Variants in SLC29A1 observed in about 807,000 individuals in gnomAD.
SLC29A1 encodes solute carrier family 29 member 1 (Augustine blood group).
A neutral mutation model predicts 48.3 loss-of-function variants in SLC29A1; 22 were observed. The ratio of observed to expected loss-of-function variants is 0.46; its 90% CI spans 0.33 to 0.65. The LOEUF is 0.65. Among genes scored for constraint, SLC29A1 ranks in the 30% least tolerant of loss-of-function variants. SLC29A1 has a pLI of 0.03. For missense variants in SLC29A1, 491 were observed against 575.3 expected (o/e 0.85, Z 1.50); for synonymous variants, 228 against 231.0 (o/e 0.99, Z 0.12).
At chr6:44,224,490 T>C (rs1303912309) in intron 1 of SLC29A1, among the ~76,000 whole-genome samples, 1 of 152,046 alleles carries the variant, frequency 6.6e-6, no homozygotes, top group Non-Finnish European at 1.5e-5. Flanking sequence ...CAGGGCTAAC[T>C]GAGAAGCAGC....
Position 44,232,569 on chromosome 6 carries a change from A to G in SLC29A1, c.1059+141A>G. ...CATAATTTATGTATAGTTAAGTACA[A>G]GTCTTAAGTGTACAACTTAATGAAT... is the stretch of plus-strand genomic sequence containing the variant. On this transcript the variant is annotated intron_variant, in intron 11 of 12. Coordinates refer to ENST00000371755, the MANE Select transcript of SLC29A1 (RefSeq NM_001372327.1). This position sits in a 1 kb window ranked among gnomAD's most constrained non-coding sequence, Gnocchi z 4.7. 1 of 666,244 alleles carries G rather than the reference A, an allele frequency of 1.5e-6. No homozygotes were observed. The highest frequency in any genetic ancestry group is 2.6e-6 in the Non-Finnish European group (1 of 382,694). The allele number at this position is 666,244 out of a possible 1,614,324, so 41.3% of individuals were successfully genotyped here. A position where few individuals can be genotyped will look rare whatever the true frequency, so the allele number is the denominator to read the frequency against.
chr6:44,223,578 C>T, upstream of SLC29A1: 2 of 1,210,070 alleles, frequency 1.7e-6, no homozygotes, highest in Non-Finnish European at 2.1e-6. This position sits in a 1 kb window ranked among gnomAD's most constrained non-coding sequence, Gnocchi z 5.0. Flanking sequence ...TGTGCCCCGG[C>T]GGGAGAGGGA....
At chr6:44,233,071 T>A in intron 12 of SLC29A1, 65 bp downstream of exon 12, 1 of 1,516,418 alleles carries the variant, frequency 6.6e-7, no homozygotes, top group Non-Finnish European at 9.1e-7. Context: ...TGGGGGACAC[T>A]CAGTAGAGGG....
Position 44,230,353 on chromosome 6 carries a change from G to T in SLC29A1, c.461G>T (p.Gly154Val). The T allele has an allele frequency of 6.2e-7, 1 of 1,611,344 alleles. No individual in the cohort carries two copies. Among genetic ancestry groups the T allele is most frequent in the Non-Finnish European group, 8.5e-7 (1 of 1,177,856 alleles). Reference sequence around the variant, plus strand: ...GCCCGCCCTGTTTCCCCAGCATTTGGTGCCATCCTGCAGGGCAGCCTGTTT... The same window carrying T: ...GCCCGCCCTGTTTCCCCAGCATTTGTTGCCATCCTGCAGGGCAGCCTGTTT... ...MIKIVLINSF[G>V]AILQGSLFGL... is the part of the protein sequence containing the mutation. Residue 154 changes from glycine to valine, a missense_variant, in exon 6 of 13, where the codon GGT (glycine) becomes GTT (valine). Physicochemically the swap from Gly to Val is moderately radical, Grantham distance 109. Coordinates refer to ENST00000371755, the MANE Select transcript of SLC29A1 (RefSeq NM_001372327.1).
intron 1 of SLC29A1, chr6:44,226,794 C>T (rs1050435044): frequency 4.9e-6 from 5 of 1,011,092 alleles, no homozygotes; most frequent in Non-Finnish European, 5.9e-6. Context: ...CTGCCTGTTC[C>T]GTGTCCTTCC....
Position 44,229,190 on chromosome 6 carries a change from C to T in SLC29A1, c.30-200C>T, listed in dbSNP as rs1778263520. Among the ~76,000 whole-genome samples, 1 of 152,182 alleles carries T rather than the reference C, an allele frequency of 6.6e-6. No individual in the cohort carries two copies. The highest frequency in any genetic ancestry group is 6.5e-5 in the Admixed American group (1 of 15,288). ...TCAGTCCTATGACCCTGACCCCATCCCCACCCCAAATTCCAACGAGCAATG... is the reference window on the plus strand; with the variant it reads ...TCAGTCCTATGACCCTGACCCCATCTCCACCCCAAATTCCAACGAGCAATG... On this transcript the variant is annotated intron_variant, in intron 2 of 12. Transcript: ENST00000371755. This position sits in a 1 kb window ranked among gnomAD's most constrained non-coding sequence, Gnocchi z 5.1.
At chr6:44,224,912 A>C (rs1431919291) in intron 1 of SLC29A1, among the ~76,000 whole-genome samples, 1 of 152,192 alleles carries the variant, frequency 6.6e-6, no homozygotes, top group Non-Finnish European at 1.5e-5. Flanking sequence ...GCTGAATGTT[A>C]GGATATGGGC....
intron 2 of SLC29A1, among the ~76,000 whole-genome samples, 183 bp downstream of exon 2, chr6:44,227,525 C>A (rs1322757191): frequency 6.6e-6 from 1 of 152,186 alleles, no homozygotes; most frequent in African/African-American, 2.4e-5. Context: ...GGGGTGTCTG[C>A]GGGAAGGGCA....
intron 5 of SLC29A1, 88 bp downstream of exon 5, chr6:44,230,134 G>A: frequency 6.4e-7 from 1 of 1,561,292 alleles, no homozygotes; most frequent in Middle Eastern, 1.7e-4. Context: ...CCAGAGAGAA[G>A]CCCAGCCTCC....
chr6:44,230,416 C>T lies in SLC29A1; in HGVS notation c.524C>T (p.Pro175Leu), dbSNP rs1248679291. The stretch of plus-strand genomic sequence containing the variant: ...CTTCTGCCTGCCAGCTACACGGCCC[C>T]CATCATGAGTGGCCAGGGCCTAGCA... Reference protein sequence around the residue: ...AGLLPASYTAPIMSGQGLAGF... With the variant: ...AGLLPASYTALIMSGQGLAGF... The change falls in exon 6 of 13, where the codon CCC becomes CTC. Residue 175 changes from proline to leucine, a missense_variant. Pro to Leu is a moderately conservative substitution (Grantham distance 98). Transcript: ENST00000371755. 6.2e-7 allele frequency: 1 copy of T among 1,614,148 alleles called. No individual in the cohort carries two copies. Among genetic ancestry groups the T allele is most frequent in the Admixed American group, 1.7e-5 (1 of 60,028 alleles).
intron 1 of SLC29A1, chr6:44,226,714 G>A: frequency 1.0e-6 from 1 of 991,192 alleles, no homozygotes; most frequent in Non-Finnish European, 1.2e-6. Flanking sequence ...GACCAGACTT[G>A]CAGAGAGGGG....
rs930971338 is a variant in SLC29A1, at chr6:44,231,930, C to T, written c.865-68C>T. On this transcript the variant is annotated intron_variant, in intron 9 of 12. Coordinates refer to ENST00000371755, the MANE Select transcript of SLC29A1 (RefSeq NM_001372327.1). ...TGAGCCACCACGCCTGGCCTGGATT[C>T]GTGGTTCTTTAATGCACAGCCACCA... 2.4e-5 allele frequency: 29 copies of T among 1,204,300 alleles called. No homozygotes were observed. The African/African-American group carries it at 2.7e-4, about 11-fold the overall frequency. 74.6% of individuals were successfully genotyped at this position (1,204,300 alleles called of 1,614,324 possible).
chr6:44,223,575 C>G (rs747220201), upstream of SLC29A1: 7 of 1,210,048 alleles, frequency 5.8e-6, no homozygotes, highest in African/African-American at 1.6e-5. The surrounding 1 kb of genome is among the most constrained non-coding windows in gnomAD (Gnocchi z 5.0). Flanking sequence ...GAATGTGCCC[C>G]GGCGGGAGAG....
upstream of SLC29A1, among the ~76,000 whole-genome samples, chr6:44,220,321 G>T (rs1019286497): frequency 6.7e-6 from 1 of 150,370 alleles, no homozygotes; most frequent in African/African-American, 2.4e-5. Context: ...AGGACCACAG[G>T]CATGCGTCAA....
upstream of SLC29A1, chr6:44,219,757 G>A (rs1209173268): frequency 7.8e-7 from 1 of 1,288,764 alleles, no homozygotes; most frequent in Non-Finnish European, 1.0e-6. Flanking sequence ...CACCAAGTCC[G>A]GATGCTCACT....
chr6:44,232,852 C>T lies in SLC29A1; in HGVS notation c.1105C>T (p.Leu369=). 2 of 1,613,738 alleles carry T rather than the reference C, an allele frequency of 1.2e-6. No homozygotes were observed. The highest frequency in any genetic ancestry group is 8.5e-7 in the Non-Finnish European group (1 of 1,180,040). The part of the protein sequence containing the change: ...RWLPSLVLAR[L]VFVPLLLLCN... ...GCTGCCAAGCCTGGTGCTGGCCCGG[C>T]TGGTGTTTGTGCCACTGCTGCTGCT... Residue 369 remains leucine, a synonymous_variant, in exon 12 of 13, where the codon CTG becomes TTG. Transcript: ENST00000371755. This position sits in a 1 kb window ranked among gnomAD's most constrained non-coding sequence, Gnocchi z 4.7.
chr6:44,232,760 TGCCCTGGGGTGGCGGCCTGGGCTGAG>T lies in SLC29A1; in HGVS notation c.1060-40_1060-15del. On this transcript the variant is annotated intron_variant, in intron 11 of 12. Transcript: ENST00000371755. The surrounding 1 kb of genome is among the most constrained non-coding windows in gnomAD (Gnocchi z 4.7). ...AGATGGATCCTTGGGGGCCTGGCTG[TGCCCTGGGGTGGCGGCCTGGGCTGAG>T]GCCCTGCCTGGTGCCCACAGCCTGG... 1.3e-6 allele frequency: 2 copies of T among 1,576,008 alleles called. No individual in the cohort carries two copies. The highest frequency in any genetic ancestry group is 1.7e-6 in the Non-Finnish European group (2 of 1,157,996).
At chr6:44,230,782 C>G (rs956015810) in intron 7 of SLC29A1, 29 bp from the exon 8 acceptor site, 1 of 1,600,152 alleles carries the variant, frequency 6.2e-7, no homozygotes, top group East Asian at 2.2e-5. Context: ...GCCTCTAAAT[C>G]CACCTCCCCC....
At position 44,228,994 on chromosome 6, in the gene SLC29A1, G is replaced by T. The variant is rs117518557; in HGVS notation, c.30-396G>T. On this transcript the variant is annotated intron_variant, in intron 2 of 12. Coordinates refer to ENST00000371755, the MANE Select transcript of SLC29A1 (RefSeq NM_001372327.1). ...CAGCATAATTACTTCCAGCCTGCCT[G>T]GTGGGAGTGGAAGACACTTGCTGCT... 4.5e-4 allele frequency among the ~76,000 whole-genome samples: 68 copies of T among 152,288 alleles called. 1 individual carries two copies. In the East Asian group the frequency reaches 0.011, roughly 25 times the overall value.
Sources: allele counts gnomAD v4.1 joint callset (sites outside exome capture counted in the v4.1 genomes callset), GRCh38; gene constraint gnomAD v4.1.1; non-coding constraint Gnocchi (gnomAD v3.1); transcripts MANE v1.5; gene names NCBI Gene and HGNC (gene_info 2026-07-23, HGNC 2026-07-21).